Variants in RB1 observed in about 807,000 individuals in gnomAD.
RB1 encodes the protein retinoblastoma-associated protein.
In RB1, 18 loss-of-function variants were observed where a neutral mutation model predicts 135.4. That is an observed-to-expected ratio of 0.13 (90% CI 0.09 to 0.20). RB1 has a LOEUF of 0.20. Ranked by LOEUF, RB1 falls within the 10% of genes least tolerant of loss-of-function variation. The probability of loss-of-function intolerance (pLI) is 1.00; values close to 1 mark genes in which losing one functional copy is unlikely to be tolerated. For synonymous variants in RB1, 365 were observed against 373.2 expected, an observed-to-expected ratio of 0.98 and a Z score of 0.25; for missense variants, 868 against 1,110.0, an observed-to-expected ratio of 0.78 and a Z score of 3.10.
intron 17 of RB1, among the ~76,000 whole-genome samples, chr13:48,410,747 A>G (rs895379190): frequency 1.4e-4 from 21 of 152,190 alleles, no homozygotes; most frequent in African/African-American, 4.6e-4. Context: ...ACTTCAAAGC[A>G]TACCATATAG....
intron 3 of RB1, 73 bp from the exon 4 acceptor site, chr13:48,345,007 C>G: frequency 6.7e-7 from 1 of 1,490,190 alleles, no homozygotes; most frequent in East Asian, 2.3e-5. Context: ...ATTGAAATAT[C>G]TATGATTTGA....
chr13:48,361,942 A>ATTT lies in RB1; in HGVS notation c.719-857_719-855dup, dbSNP rs5803430. On this transcript the variant is annotated intron_variant, in intron 7 of 26. Transcript: ENST00000267163. ...TACTTTTTATACTTAATCATCTGTAATTTTTTTTTTTTTTTTTTGAGGCAG... is the reference window on the plus strand; with the variant it reads ...TACTTTTTATACTTAATCATCTGTAATTTTTTTTTTTTTTTTTTTTTGAGGCAG... 2.5e-4 allele frequency among the ~76,000 whole-genome samples: 32 copies of ATTT among 130,528 alleles called. 2 individuals carry two copies. In the East Asian group the frequency reaches 3.3e-3, roughly 13 times the overall value. 85.6% of individuals were successfully genotyped at this position (130,528 alleles called of 152,430 possible).
chr13:48,342,639 G>C lies in RB1; in HGVS notation c.305G>C (p.Cys102Ser). 6.2e-7 allele frequency: 1 copy of C among 1,612,496 alleles called. No individual in the cohort carries two copies. Among genetic ancestry groups the C allele is most frequent in the Non-Finnish European group, 8.5e-7 (1 of 1,178,788 alleles). The change falls in exon 3 of 27, where the codon TGT becomes TCT. Residue 102 changes from cysteine to serine, a missense_variant. This residue lies in a region of RB1 where 641 missense variants were observed against 791.3 expected (regional missense o/e 0.81). Transcript: ENST00000267163. Reference protein sequence around the residue: ...IQKKKELWGICIFIAAVDLDE... With the variant: ...IQKKKELWGISIFIAAVDLDE... ...AAGAAAAAGGAACTGTGGGGAATCT[G>C]TATCTTTATTGCAGCAGTTGACCTA...
chr13:48,391,995 T>A (rs939060262), intron 17 of RB1, among the ~76,000 whole-genome samples: 7 of 152,256 alleles, frequency 4.6e-5, no homozygotes, highest in Non-Finnish European at 7.3e-5. Flanking sequence ...AAAAACATTT[T>A]ACCTTTATTT....
intron 13 of RB1, among the ~76,000 whole-genome samples, chr13:48,378,680 A>G (rs1473117655): frequency 6.6e-6 from 1 of 152,010 alleles, no homozygotes; most frequent in Non-Finnish European, 1.5e-5. Flanking sequence ...ATTAAGTATT[A>G]TGTACTGTAC....
intron 20 of RB1, 113 bp downstream of exon 20, chr13:48,459,946 TTTC>T (rs1395817111): frequency 2.1e-6 from 1 of 466,732 alleles, no homozygotes; most frequent in African/African-American, 3.7e-5. Context: ...TCTTTCTTTC[TTTC>T]TTTTTCTTTC....
At chr13:48,317,197 G>A in intron 2 of RB1, 1 of 515,042 alleles carries the variant, frequency 1.9e-6, no homozygotes, top group Non-Finnish European at 3.1e-6. Flanking sequence ...ATGTCGGGCT[G>A]AAGAGGCTGG....
chr13:48,455,686 T>G (rs909627572), intron 18 of RB1, among the ~76,000 whole-genome samples: 1 of 152,234 alleles, frequency 6.6e-6, no homozygotes, highest in Non-Finnish European at 1.5e-5. Flanking sequence ...CCTTGAGTTA[T>G]GCCTGACATA....
intron 17 of RB1, among the ~76,000 whole-genome samples, chr13:48,402,367 C>T (rs1948699580): frequency 1.1e-5 from 1 of 90,820 alleles, no homozygotes; most frequent in African/African-American, 3.4e-5. Flanking sequence ...AAAGAAATCC[C>T]TTGTAGAAAA....
At chr13:48,386,156 A>G (rs1948570321) in intron 17 of RB1, among the ~76,000 whole-genome samples, 1 of 152,152 alleles carries the variant, frequency 6.6e-6, no homozygotes, top group South Asian at 2.1e-4. Context: ...ATAAAAAATA[A>G]AAACAAAAAA....
At position 48,406,751 on chromosome 13, in the gene RB1, A is replaced by G. The variant is rs541069449; in HGVS notation, c.1695+25308A>G. ...GCCACCATTAAGTAACTAGACAAGT[A>G]AAAACAAAGAATCTGGGTTCAGCCA... On this transcript the variant is annotated intron_variant, in intron 17 of 26. Transcript: ENST00000267163. 2.6e-5 allele frequency: 4 copies of G among 152,326 alleles called. No homozygotes were observed. In the South Asian group the frequency reaches 8.3e-4, roughly 32 times the overall value. 9.4% of individuals were successfully genotyped at this position (152,326 alleles called of 1,614,324 possible).
rs1566232086 is a variant in RB1 at position 48,450,096 on chromosome 13, T to TA, written c.1696-2897_1696-2896insA. On this transcript the variant is annotated intron_variant, in intron 17 of 26. Transcript: ENST00000267163. ...GTGCACTCTGATGATATATATATAT[T>TA]TTTTTTTTTTTGCTGTGCAGAAGCT... 1.2e-3 allele frequency among the ~76,000 whole-genome samples: 130 copies of TA among 105,394 alleles called. 1 individual carries two copies. The highest frequency in any genetic ancestry group is 5.8e-3 in the African/African-American group (98 of 16,776). 69.1% of individuals were successfully genotyped at this position (105,394 alleles called of 152,430 possible).
intron 17 of RB1, among the ~76,000 whole-genome samples, chr13:48,422,228 GA>G (rs1353998363): frequency 6.6e-5 from 10 of 152,272 alleles, no homozygotes; most frequent in African/African-American, 2.2e-4. Flanking sequence ...GGACATGGAT[GA>G]AGCTGGAAAC....
chr13:48,338,890 CT>C (rs1203753763), intron 2 of RB1, among the ~76,000 whole-genome samples: 1 of 152,164 alleles, frequency 6.6e-6, no homozygotes, highest in Admixed American at 6.5e-5. Flanking sequence ...AGTTTTCCTT[CT>C]AACAGGACCC....
At chr13:48,365,010 G>C (rs2138116823) in intron 9 of RB1, 39 bp downstream of exon 9, 1 of 1,537,094 alleles carries the variant, frequency 6.5e-7, no homozygotes, top group South Asian at 1.2e-5. Flanking sequence ...TTAATGTTTT[G>C]AGACTGTGGA....
At chr13:48,311,008 G>C (rs1332586031) in intron 2 of RB1, among the ~76,000 whole-genome samples, 5 of 152,140 alleles carry the variant, frequency 3.3e-5, no homozygotes, top group Non-Finnish European at 7.4e-5. Flanking sequence ...TCAGCTGTTA[G>C]AATTTTGGTT....
At position 48,376,424 on chromosome 13, in the gene RB1, T is replaced by C. The variant is rs1952823981; in HGVS notation, c.1216-494T>C. ...CTGAGGCAGGAGAATCACTTGAACT[T>C]GGGAGGCGGAGGTTGCAGTAAGCCG... is the stretch of plus-strand genomic sequence containing the variant. On this transcript the variant is annotated intron_variant, in intron 12 of 26. Coordinates refer to ENST00000267163, the MANE Select transcript of RB1 (RefSeq NM_000321.3). Among the ~76,000 whole-genome samples the C allele has an allele frequency of 2.7e-5, 4 of 146,322 alleles. No homozygotes were observed. In the Admixed American group the frequency reaches 2.8e-4, roughly 10 times the overall value.
intron 2 of RB1, among the ~76,000 whole-genome samples, chr13:48,329,055 G>A (rs1447660100): frequency 6.6e-6 from 1 of 152,038 alleles, no homozygotes; most frequent in Admixed American, 6.6e-5. Flanking sequence ...CAGATTGGTA[G>A]TTATTTCTGT....
intron 17 of RB1, among the ~76,000 whole-genome samples, chr13:48,392,717 T>C (rs1259276571): frequency 6.6e-6 from 1 of 150,412 alleles, no homozygotes; most frequent in African/African-American, 2.4e-5. Context: ...CTAGTACCTA[T>C]GTCTTTTTAG....
Sources: gnomAD v4.1 joint callset for allele counts (sites outside exome capture counted in the v4.1 genomes callset) on GRCh38, gnomAD v4.1.1 for gene constraint, gnomAD v4.1.1 regional missense constraint, MANE v1.5 for transcripts, NCBI Gene and HGNC (gene_info 2026-07-23, HGNC 2026-07-21) for gene names.